Variants in HPSE2 observed in about 807,000 individuals in gnomAD.
HPSE2 encodes inactive heparanase-2.
Under a neutral mutation model 60.5 loss-of-function variants are expected in HPSE2, and 38 were observed. The ratio of observed to expected loss-of-function variants is 0.63; its 90% CI spans 0.48 to 0.82. The LOEUF is 0.82. Among genes scored for constraint, HPSE2 ranks in the 40% least tolerant of loss-of-function variants. HPSE2 has a pLI of 0.00. For synonymous variants in HPSE2, 295 were observed against 293.2 expected (o/e 1.01, Z -0.06); for missense variants, 713 against 740.4 (o/e 0.96, Z 0.43).
At chr10:99,114,487 T>G (rs1182512757) in intron 3 of HPSE2, among the ~76,000 whole-genome samples, 1 of 152,154 alleles carries the variant, frequency 6.6e-6, no homozygotes, top group African/African-American at 2.4e-5. Flanking sequence ...AAACAAGAAG[T>G]AATCATCATC....
At chr10:99,036,824 C>T (rs1055039825) in intron 3 of HPSE2, among the ~76,000 whole-genome samples, 2 of 152,266 alleles carry the variant, frequency 1.3e-5, no homozygotes, top group East Asian at 1.9e-4. Flanking sequence ...CCATACTCCT[C>T]GTTTCATGGG....
At chr10:98,746,949 G>T (rs1015206783) in intron 3 of HPSE2, among the ~76,000 whole-genome samples, 2 of 152,016 alleles carry the variant, frequency 1.3e-5, no homozygotes, top group East Asian at 3.9e-4. Context: ...CTATTTAACA[G>T]AACACTGGCA....
chr10:98,833,190 T>C (rs1040933632), intron 3 of HPSE2, among the ~76,000 whole-genome samples: 19 of 152,188 alleles, frequency 1.2e-4, no homozygotes, highest in African/African-American at 4.6e-4. Flanking sequence ...ACAAGAATTT[T>C]AGAGACACAA....
intron 6 of HPSE2, among the ~76,000 whole-genome samples, chr10:98,642,872 T>C (rs543905287): frequency 6.6e-6 from 1 of 152,362 alleles, no homozygotes; most frequent in Non-Finnish European, 1.5e-5. Context: ...GGTTGTTGGC[T>C]AATGATAAAT....
At chr10:98,583,578 C>T (rs913976418) in intron 9 of HPSE2, among the ~76,000 whole-genome samples, 9 of 152,198 alleles carry the variant, frequency 5.9e-5, no homozygotes, top group African/African-American at 1.7e-4. Context: ...TTCAAAATAA[C>T]GTATGTAACC....
rs78154734 is a variant in HPSE2, at chr10:98,612,996, C to T, written c.1320+1908G>A. On this transcript the variant is annotated intron_variant, in intron 9 of 11. Transcript: ENST00000370552. ...AAACGTGCCAAGTTTGTTCCTGCCT[C>T]GGAGCTTTTGTGTTAGTTTCTTCCC... Among the ~76,000 whole-genome samples, 1,495 of 152,210 alleles carry T rather than the reference C, an allele frequency of 9.8e-3. 32 individuals carry two copies. Among genetic ancestry groups the T allele is most frequent in the African/African-American group, 0.034 (1,395 of 41,524 alleles).
chr10:99,232,214 T>TGCATACACACACACACACAC lies in HPSE2; in HGVS notation c.448+133_448+134insGTGTGTGTGTGTGTGTATGC, dbSNP rs766277741. 4 of 898,364 alleles carry TGCATACACACACACACACAC rather than the reference T, an allele frequency of 4.5e-6. No individual in the cohort carries two copies. The African/African-American group carries it at 5.5e-5, about 12-fold the overall frequency. The allele number at this position is 898,364 out of a possible 1,614,324, so 55.6% of individuals were successfully genotyped here. A position where few individuals can be genotyped will look rare whatever the true frequency, so the allele number is the denominator to read the frequency against. ...ATCTGCCCCAACGCGCGCGCGCGCA[T>TGCATACACACACACACACAC]ACACACACACACACACACACACACA... On this transcript the variant is annotated intron_variant, in intron 2 of 11. Transcript: ENST00000370552.
chr10:99,029,302 T>G (rs1199278224), intron 3 of HPSE2, among the ~76,000 whole-genome samples: 4 of 152,114 alleles, frequency 2.6e-5, no homozygotes. Context: ...TAATAATCCA[T>G]GCAGGGACCA....
intron 3 of HPSE2, among the ~76,000 whole-genome samples, chr10:98,848,796 C>T (rs1347918640): frequency 6.6e-6 from 1 of 152,176 alleles, no homozygotes; most frequent in Non-Finnish European, 1.5e-5. Context: ...AAAAGTACCA[C>T]ATGCAGGGAA....
At chr10:98,964,202 T>A (rs1800801191) in intron 3 of HPSE2, among the ~76,000 whole-genome samples, 1 of 152,164 alleles carries the variant, frequency 6.6e-6, no homozygotes, top group Non-Finnish European at 1.5e-5. Flanking sequence ...TTGTGTCTTT[T>A]ATTTTATTTT....
At chr10:98,678,895 C>CT (rs1947714007) in intron 6 of HPSE2, among the ~76,000 whole-genome samples, 1 of 152,024 alleles carries the variant, frequency 6.6e-6, no homozygotes, top group Non-Finnish European at 1.5e-5. Flanking sequence ...CTAAAGCTGT[C>CT]TCCCTAAACA....
intron 3 of HPSE2, among the ~76,000 whole-genome samples, chr10:99,002,772 A>T (rs998802982): frequency 6.6e-6 from 1 of 152,130 alleles, no homozygotes; most frequent in Non-Finnish European, 1.5e-5. Flanking sequence ...TTTATTTAAT[A>T]GAAAAATAAA....
intron 3 of HPSE2, among the ~76,000 whole-genome samples, chr10:99,019,098 A>T (rs1049153909): frequency 6.6e-6 from 1 of 152,208 alleles, no homozygotes; most frequent in Non-Finnish European, 1.5e-5. Flanking sequence ...ATGACAGCAG[A>T]ATGACTTCCT....
intron 3 of HPSE2, among the ~76,000 whole-genome samples, chr10:98,752,856 A>T (rs922516023): frequency 1.1e-4 from 16 of 152,122 alleles, no homozygotes; most frequent in Admixed American, 1.0e-3. Context: ...AATACTACTC[A>T]GCCATAAAAA....
At chr10:99,122,577 A>C (rs1253863226) in intron 3 of HPSE2, among the ~76,000 whole-genome samples, 1 of 150,168 alleles carries the variant, frequency 6.7e-6, no homozygotes, top group Non-Finnish European at 1.5e-5. Flanking sequence ...ACTCTCAATA[A>C]AACTATAAAA....
intron 2 of HPSE2, among the ~76,000 whole-genome samples, chr10:99,220,174 G>A (rs1849260442): frequency 6.6e-6 from 1 of 151,948 alleles, no homozygotes; most frequent in African/African-American, 2.4e-5. Flanking sequence ...GTTATTAAAA[G>A]GATTAAGATG....
chr10:99,111,812 T>G (rs1844473826), intron 3 of HPSE2, among the ~76,000 whole-genome samples: 1 of 152,226 alleles, frequency 6.6e-6, no homozygotes, highest in Non-Finnish European at 1.5e-5. Context: ...TAGTACCACT[T>G]CCTTTATGAA....
chr10:98,873,188 C>T (rs548751916), intron 3 of HPSE2, among the ~76,000 whole-genome samples: 31 of 152,114 alleles, frequency 2.0e-4, no homozygotes, highest in African/African-American at 7.2e-4. Context: ...ACACTTGAAT[C>T]CCATAGAGGA....
At chr10:98,476,396 C>T (rs1941022073) in intron 11 of HPSE2, among the ~76,000 whole-genome samples, 1 of 148,074 alleles carries the variant, frequency 6.8e-6, no homozygotes, top group Non-Finnish European at 1.5e-5. Context: ...GGGTGCAGCA[C>T]ACCAGCATGG....
Sources: allele counts gnomAD v4.1 joint callset (sites outside exome capture counted in the v4.1 genomes callset), GRCh38; gene constraint gnomAD v4.1.1; transcripts MANE v1.5; gene names NCBI Gene and HGNC (gene_info 2026-07-23, HGNC 2026-07-21).